Variants in CSMD1 observed in about 807,000 individuals in gnomAD.
CSMD1 encodes the protein CUB and sushi domain-containing protein 1.
In CSMD1, 213 loss-of-function variants were observed where a neutral mutation model predicts 417.5. The ratio of observed to expected loss-of-function variants is 0.51; its 90% CI spans 0.46 to 0.57. The LOEUF (loss-of-function observed/expected upper bound fraction) is 0.57, where lower values mean the gene tolerates loss of function less well. Ranked by LOEUF, CSMD1 falls within the 20% of genes least tolerant of loss-of-function variation. The probability of loss-of-function intolerance (pLI) is 0.00; values close to 1 mark genes in which losing one functional copy is unlikely to be tolerated. For synonymous variants in CSMD1, 2,862 were observed against 1,736.8 expected, an observed-to-expected ratio of 1.65 and a Z score of -16.11; for missense variants, 6,923 against 4,529.7, an observed-to-expected ratio of 1.53 and a Z score of -15.17.
At chr8:4,386,533 G>A (rs556278826) in intron 3 of CSMD1, among the ~76,000 whole-genome samples, 1 of 152,344 alleles carries the variant, frequency 6.6e-6, no homozygotes, top group East Asian at 1.9e-4. Flanking sequence ...ACTCTAAAGA[G>A]GAACTTAAAG....
chr8:4,606,174 G>C (rs776667446), intron 2 of CSMD1, among the ~76,000 whole-genome samples: 1 of 152,150 alleles, frequency 6.6e-6, no homozygotes, highest in South Asian at 2.1e-4. Flanking sequence ...ACACATAACT[G>C]TCACTGGGCA....
At chr8:3,110,999 C>T (rs12681407) in intron 42 of CSMD1, among the ~76,000 whole-genome samples, 1 of 151,934 alleles carries the variant, frequency 6.6e-6, no homozygotes, top group Non-Finnish European at 1.5e-5. Context: ...AATGACATGT[C>T]CAAACACTAA....
chr8:4,837,682 A>G (rs1251438050), intron 1 of CSMD1, among the ~76,000 whole-genome samples: 4 of 152,296 alleles, frequency 2.6e-5, no homozygotes, highest in African/African-American at 9.6e-5. Flanking sequence ...AATAAATAAA[A>G]TCTACTATTT....
chr8:3,847,267 T>C (rs148707921), intron 5 of CSMD1, among the ~76,000 whole-genome samples: 33 of 152,276 alleles, frequency 2.2e-4, no homozygotes, highest in African/African-American at 7.7e-4. Flanking sequence ...CCCTAATCAG[T>C]TGATTTTTAA....
chr8:3,038,542 G>C (rs952254023), intron 50 of CSMD1, among the ~76,000 whole-genome samples: 1 of 151,974 alleles, frequency 6.6e-6, no homozygotes. Context: ...AATTTTTCTT[G>C]TGGTTATTTG....
At chr8:3,992,590 C>A (rs1158496993) in intron 5 of CSMD1, among the ~76,000 whole-genome samples, 1 of 152,170 alleles carries the variant, frequency 6.6e-6, no homozygotes, top group Non-Finnish European at 1.5e-5. Context: ...TTGAGACCAG[C>A]TTGGGCAACA....
rs528827844 is a variant in CSMD1 at position 4,776,165 on chromosome 8, C to T, written c.86-138607G>A. ...CCAAGGTGAAGAAGAGATGAGGCGACCCACATTAGTTTAGAAGAGAGCCTG... is the reference window on the plus strand; with the variant it reads ...CCAAGGTGAAGAAGAGATGAGGCGATCCACATTAGTTTAGAAGAGAGCCTG... On this transcript the variant is annotated intron_variant, in intron 1 of 69. Coordinates refer to ENST00000635120, the MANE Select transcript of CSMD1 (RefSeq NM_033225.6). Among the ~76,000 whole-genome samples the T allele has an allele frequency of 7.2e-5, 11 of 152,126 alleles. No homozygotes were observed. The South Asian group carries it at 1.7e-3, about 23-fold the overall frequency.
chr8:4,359,835 C>G (rs964170124), intron 3 of CSMD1, among the ~76,000 whole-genome samples: 5 of 152,178 alleles, frequency 3.3e-5, no homozygotes, highest in African/African-American at 9.7e-5. Flanking sequence ...CTCCTACTGT[C>G]GGAAGCAAGA....
At position 4,425,698 on chromosome 8, in the gene CSMD1, T is replaced by C. The variant is rs185456197; in HGVS notation, c.303-5633A>G. 6.9e-3 allele frequency among the ~76,000 whole-genome samples: 1,046 copies of C among 152,286 alleles called. 10 individuals are homozygous for C. Among genetic ancestry groups the C allele is most frequent in the African/African-American group, 0.023 (970 of 41,570 alleles). The stretch of plus-strand genomic sequence containing the variant: ...CTTCTTATAAGCAACTGGCTTATTT[T>C]CAACACATAGTAAATTACGAAACAT... On this transcript the variant is annotated intron_variant, in intron 2 of 69. Coordinates refer to ENST00000635120, the MANE Select transcript of CSMD1 (RefSeq NM_033225.6).
chr8:4,172,161 G>A (rs576520151), intron 3 of CSMD1, among the ~76,000 whole-genome samples: 1 of 152,094 alleles, frequency 6.6e-6, no homozygotes. Context: ...GGACCTAAGA[G>A]AAGTGTTTGT....
intron 3 of CSMD1, among the ~76,000 whole-genome samples, chr8:4,333,360 A>G (rs1799984645): frequency 6.6e-6 from 1 of 152,142 alleles, no homozygotes; most frequent in Non-Finnish European, 1.5e-5. Context: ...GCGCAGGGTT[A>G]CTAGCACAGG....
At chr8:4,224,079 G>A (rs951984805) in intron 3 of CSMD1, among the ~76,000 whole-genome samples, 1 of 152,168 alleles carries the variant, frequency 6.6e-6, no homozygotes, top group South Asian at 2.1e-4. Flanking sequence ...AAAGGCTGAT[G>A]GAACTGACCT....
chr8:4,142,015 A>C (rs1482063851), intron 3 of CSMD1, among the ~76,000 whole-genome samples: 3 of 150,814 alleles, frequency 2.0e-5, no homozygotes, highest in Non-Finnish European at 4.4e-5. Context: ...ATGATGTTCC[A>C]AAACTTCTAT....
chr8:3,521,645 G>C (rs990579147), intron 10 of CSMD1, among the ~76,000 whole-genome samples: 18 of 152,116 alleles, frequency 1.2e-4, no homozygotes, highest in Non-Finnish European at 5.9e-5. Flanking sequence ...ATTTACAGGA[G>C]GATTAAACAG....
At chr8:3,275,534 G>C (rs1802217280) in intron 26 of CSMD1, among the ~76,000 whole-genome samples, 1 of 152,156 alleles carries the variant, frequency 6.6e-6, no homozygotes. Context: ...TTTCCTACTT[G>C]GTTCCATTGT....
At chr8:4,971,532 A>G (rs1810236204) in intron 1 of CSMD1, among the ~76,000 whole-genome samples, 1 of 152,062 alleles carries the variant, frequency 6.6e-6, no homozygotes, top group Admixed American at 6.6e-5. Flanking sequence ...TTTTTATCTG[A>G]CATAATTTCT....
At chr8:3,871,593 T>C (rs1269995118) in intron 5 of CSMD1, among the ~76,000 whole-genome samples, 1 of 152,214 alleles carries the variant, frequency 6.6e-6, no homozygotes, top group African/African-American at 2.4e-5. Flanking sequence ...ATATTAGGAA[T>C]ATTAGTCTTC....
At chr8:4,217,347 A>G (rs531940937) in intron 3 of CSMD1, among the ~76,000 whole-genome samples, 108 of 152,216 alleles carry the variant, frequency 7.1e-4, no homozygotes, top group Non-Finnish European at 1.2e-3. Context: ...GACTCTAACA[A>G]TCAACTATAT....
At chr8:4,931,225 T>C (rs966742405) in intron 1 of CSMD1, among the ~76,000 whole-genome samples, 11 of 152,338 alleles carry the variant, frequency 7.2e-5, no homozygotes, top group African/African-American at 2.4e-4. Context: ...CCCCTTTTTT[T>C]AGAATATTGT....
Sources: gnomAD v4.1 joint callset for allele counts (sites outside exome capture counted in the v4.1 genomes callset) on GRCh38, gnomAD v4.1.1 for gene constraint, MANE v1.5 for transcripts, NCBI Gene and HGNC (gene_info 2026-07-23, HGNC 2026-07-21) for gene names.